Variants in WWOX observed in about 807,000 individuals in gnomAD.
WWOX encodes WW domain containing oxidoreductase.
In WWOX, 69 loss-of-function variants were observed where a neutral mutation model predicts 46.2. That is an observed-to-expected ratio of 1.49 (90% CI 1.23 to 1.82). WWOX has a LOEUF of 1.82. Ranked by LOEUF, WWOX falls within the 40% of genes most tolerant of loss-of-function variation. WWOX has a pLI of 0.00. For synonymous variants in WWOX, 359 were observed against 202.6 expected, an observed-to-expected ratio of 1.77 and a Z score of -6.56; for missense variants, 919 against 542.6, an observed-to-expected ratio of 1.69 and a Z score of -6.89.
intron 8 of WWOX, among the ~76,000 whole-genome samples, chr16:79,022,117 C>G (rs1023853903): frequency 3.3e-5 from 5 of 152,156 alleles, no homozygotes; most frequent in Non-Finnish European, 7.3e-5. Flanking sequence ...TGCAGAGGCA[C>G]GTAGGCCTGA....
intron 8 of WWOX, among the ~76,000 whole-genome samples, chr16:78,643,412 G>T (rs1356146250): frequency 6.6e-6 from 1 of 152,096 alleles, no homozygotes; most frequent in African/African-American, 2.4e-5. Flanking sequence ...GACAGTGCCG[G>T]GGCTTGAACC....
At chr16:78,520,505 T>G (rs2043324934) in intron 8 of WWOX, among the ~76,000 whole-genome samples, 1 of 152,178 alleles carries the variant, frequency 6.6e-6, no homozygotes, top group Non-Finnish European at 1.5e-5. Context: ...TTACTAATGG[T>G]TCTGTGGAAG....
chr16:79,057,128 C>T (rs977569736), intron 8 of WWOX, among the ~76,000 whole-genome samples: 3 of 152,156 alleles, frequency 2.0e-5, no homozygotes, highest in South Asian at 2.1e-4. Flanking sequence ...GGAGTGCTAG[C>T]GCAGGTTCTC....
chr16:78,288,469 G>T (rs1474545472), intron 5 of WWOX, among the ~76,000 whole-genome samples: 1 of 152,048 alleles, frequency 6.6e-6, no homozygotes, highest in African/African-American at 2.4e-5. Flanking sequence ...CAATTTAATG[G>T]AATGTATTTG....
chr16:79,058,753 T>C (rs2048309780), intron 8 of WWOX, among the ~76,000 whole-genome samples: 1 of 152,252 alleles, frequency 6.6e-6, no homozygotes, highest in African/African-American at 2.4e-5. Context: ...GTTTACGATA[T>C]ACTTCTACTA....
chr16:79,173,223 C>T (rs1011250629), intron 8 of WWOX, among the ~76,000 whole-genome samples: 2 of 152,144 alleles, frequency 1.3e-5, no homozygotes, highest in African/African-American at 2.4e-5. Context: ...CACCTGCTCC[C>T]CTCCTGGGCC....
chr16:78,788,157 C>T (rs1162490398), intron 8 of WWOX, among the ~76,000 whole-genome samples: 2 of 152,004 alleles, frequency 1.3e-5, no homozygotes, highest in African/African-American at 4.8e-5. Context: ...TGATGAAGTC[C>T]CCTTTATCTA....
At chr16:78,329,456 A>G (rs146912331) in intron 5 of WWOX, among the ~76,000 whole-genome samples, 1 of 152,336 alleles carries the variant, frequency 6.6e-6, no homozygotes, top group East Asian at 1.9e-4. Context: ...AGCCTGGAAT[A>G]AACAGCAAAA....
chr16:79,057,744 C>T (rs1177535042), intron 8 of WWOX, among the ~76,000 whole-genome samples: 2 of 152,104 alleles, frequency 1.3e-5, no homozygotes, highest in African/African-American at 2.4e-5. Context: ...AGGTAGAAGA[C>T]ATAGGTGGTC....
chr16:78,702,120 A>ATATATATATATATATT (rs1207718237), intron 8 of WWOX, among the ~76,000 whole-genome samples: 46 of 130,014 alleles, frequency 3.5e-4, no homozygotes, highest in African/African-American at 1.5e-3. Flanking sequence ...ATATATATAT[A>ATATATATATATATATT]TATTTATTTA....
intron 5 of WWOX, among the ~76,000 whole-genome samples, chr16:78,276,774 G>A (rs1597436062): frequency 1.3e-5 from 2 of 152,162 alleles, no homozygotes; most frequent in Admixed American, 6.5e-5. Context: ...GGTGAGGGAC[G>A]GGGGCTAGGA....
In WWOX at chr16:78,750,620, T is replaced by C. The variant is rs886219804; in HGVS notation, c.1056+317868T>C. Among the ~76,000 whole-genome samples the C allele has an allele frequency of 5.3e-5, 8 of 152,236 alleles. No homozygotes were observed. The East Asian group carries it at 1.5e-3, about 29-fold the overall frequency. ...TAAACATAGTACTCAATAGGTAGTTTTTCAATCCTTTTCTCCTTCCCTCCC... is the reference window on the plus strand; with the variant it reads ...TAAACATAGTACTCAATAGGTAGTTCTTCAATCCTTTTCTCCTTCCCTCCC... On this transcript the variant is annotated intron_variant, in intron 8 of 8. Coordinates refer to ENST00000566780, the MANE Select transcript of WWOX (RefSeq NM_016373.4).
At chr16:78,331,402 C>G (rs981907188) in intron 5 of WWOX, among the ~76,000 whole-genome samples, 1 of 152,150 alleles carries the variant, frequency 6.6e-6, no homozygotes, top group Non-Finnish European at 1.5e-5. Context: ...GGTAATAAAC[C>G]AATTACATTC....
At chr16:78,647,813 G>C (rs2046878789) in intron 8 of WWOX, among the ~76,000 whole-genome samples, 1 of 152,220 alleles carries the variant, frequency 6.6e-6, no homozygotes, top group African/African-American at 2.4e-5. Flanking sequence ...TGTTAGCTAA[G>C]TCTGGTTATG....
At chr16:78,792,073 C>T (rs567182090) in intron 8 of WWOX, among the ~76,000 whole-genome samples, 3 of 152,172 alleles carry the variant, frequency 2.0e-5, no homozygotes, top group Middle Eastern at 3.4e-3. Context: ...GTCCCTGGTG[C>T]GGGGGAGCAG....
intron 4 of WWOX, among the ~76,000 whole-genome samples, chr16:78,144,475 A>ATATATACACG (rs2034119076): frequency 4.9e-5 from 2 of 40,884 alleles, no homozygotes; most frequent in East Asian, 6.3e-4. Flanking sequence ...ACACATATAT[A>ATATATACACG]TATATATATA....
intron 8 of WWOX, among the ~76,000 whole-genome samples, chr16:78,457,607 G>A (rs1275037878): frequency 6.6e-6 from 1 of 151,958 alleles, no homozygotes; most frequent in Non-Finnish European, 1.5e-5. Flanking sequence ...GGCTGCAGAG[G>A]ACGCACATGA....
chr16:79,005,960 C>T (rs535189869), intron 8 of WWOX, among the ~76,000 whole-genome samples: 2 of 152,162 alleles, frequency 1.3e-5, no homozygotes, highest in Non-Finnish European at 1.5e-5. Context: ...TACCCACTGG[C>T]CATTCCTGGG....
intron 8 of WWOX, among the ~76,000 whole-genome samples, chr16:79,200,914 C>T (rs1474020574): frequency 6.6e-6 from 1 of 152,132 alleles, no homozygotes; most frequent in African/African-American, 2.4e-5. Context: ...GTGTATGCTT[C>T]CTTCTTTAAA....
Sources: gnomAD v4.1 joint callset for allele counts (sites outside exome capture counted in the v4.1 genomes callset) on GRCh38, gnomAD v4.1.1 for gene constraint, MANE v1.5 for transcripts, NCBI Gene and HGNC (gene_info 2026-07-23, HGNC 2026-07-21) for gene names.